The following NPAS3 variants were observed in gnomAD, a reference collection of about 807,000 sequenced individuals.
NPAS3 encodes neuronal PAS domain protein 3, also known as neuronal PAS domain-containing protein 3.
Under a neutral mutation model 73.1 loss-of-function variants are expected in NPAS3, and 14 were observed. The ratio of observed to expected loss-of-function variants is 0.19; its 90% CI spans 0.13 to 0.30. The LOEUF (loss-of-function observed/expected upper bound fraction) is 0.30, where lower values mean the gene tolerates loss of function less well. NPAS3 is among the 10% of genes least tolerant of loss of function. The pLI is 1.00. For synonymous variants in NPAS3, 620 were observed against 541.5 expected (o/e 1.14, Z -2.01); for missense variants, 1,096 against 1,250.0 (o/e 0.88, Z 1.86).
At chr14:33,451,002 G>C (rs1321520368) in intron 4 of NPAS3, among the ~76,000 whole-genome samples, 1 of 152,006 alleles carries the variant, frequency 6.6e-6, no homozygotes, top group African/African-American at 2.4e-5. Flanking sequence ...CCTAACAAAC[G>C]CTGAAAATGG....
intron 1 of NPAS3, among the ~76,000 whole-genome samples, chr14:32,979,879 G>T (rs2037829771): frequency 1.3e-5 from 2 of 152,130 alleles, no homozygotes. Context: ...CATTTTGTGG[G>T]TCTTGAAGTG....
chr14:33,298,623 A>G (rs956685606), intron 3 of NPAS3, among the ~76,000 whole-genome samples: 1 of 152,038 alleles, frequency 6.6e-6, no homozygotes, highest in South Asian at 2.1e-4. Flanking sequence ...ATCCTTTCCT[A>G]TATGTTTTCC....
At chr14:33,784,706 AT>A (rs1439795746) in intron 9 of NPAS3, among the ~76,000 whole-genome samples, 1 of 106,762 alleles carries the variant, frequency 9.4e-6, no homozygotes, top group Non-Finnish European at 2.1e-5. Flanking sequence ...AGCTGCTTTT[AT>A]TTTTTATTGT....
At chr14:33,222,176 CT>C (rs1480135049) in intron 3 of NPAS3, among the ~76,000 whole-genome samples, 1 of 152,104 alleles carries the variant, frequency 6.6e-6, no homozygotes, top group East Asian at 1.9e-4. Flanking sequence ...GGGCATGACA[CT>C]TGTCATGTAA....
intron 7 of NPAS3, among the ~76,000 whole-genome samples, chr14:33,771,794 G>A (rs2062662298): frequency 6.6e-6 from 1 of 151,814 alleles, no homozygotes; most frequent in African/African-American, 2.4e-5. Flanking sequence ...CTGGGCGACA[G>A]AGCGAGACTC....
intron 5 of NPAS3, among the ~76,000 whole-genome samples, chr14:33,562,436 G>T (rs1337749743): frequency 6.6e-6 from 1 of 152,188 alleles, no homozygotes; most frequent in Non-Finnish European, 1.5e-5. Context: ...GATGTGTTCA[G>T]TGTTGGCAGA....
At chr14:33,041,115 G>T (rs2040334539) in intron 1 of NPAS3, among the ~76,000 whole-genome samples, 1 of 152,096 alleles carries the variant, frequency 6.6e-6, no homozygotes. Context: ...GAACTTAAAG[G>T]CAGGAATTAG....
At chr14:33,578,645 G>A (rs879567941) in intron 5 of NPAS3, among the ~76,000 whole-genome samples, 3 of 152,148 alleles carry the variant, frequency 2.0e-5, no homozygotes, top group Non-Finnish European at 4.4e-5. Context: ...TTCCATAGAG[G>A]ATTTTGCTCA....
intron 3 of NPAS3, among the ~76,000 whole-genome samples, chr14:33,301,546 A>T (rs1193112147): frequency 1.3e-5 from 2 of 151,844 alleles, no homozygotes; most frequent in Non-Finnish European, 2.9e-5. Flanking sequence ...AGACCTCCCA[A>T]AGCTAAGCGT....
At chr14:33,750,471 T>C (rs565234936) in intron 7 of NPAS3, among the ~76,000 whole-genome samples, 15 of 152,350 alleles carry the variant, frequency 9.8e-5, no homozygotes, top group Admixed American at 2.0e-4. Context: ...ATAACTAATT[T>C]TACGTATTCT....
At position 33,563,517 on chromosome 14, in the gene NPAS3, T is replaced by TACACACACACACACACACACACACAC. The variant is rs146854404; in HGVS notation, c.558+3328_558+3329insCACACACACACACACACACACACACA. On this transcript the variant is annotated intron_variant, in intron 5 of 11. Transcript: ENST00000356141. ...CTTGACTTTGCCAGATACACATACA[T>TACACACACACACACACACACACACAC]ACACACACACACACACACACAGAGA... is the stretch of plus-strand genomic sequence containing the variant. 2.4e-3 allele frequency among the ~76,000 whole-genome samples: 258 copies of TACACACACACACACACACACACACAC among 106,870 alleles called. 8 individuals are homozygous for TACACACACACACACACACACACACAC. The highest frequency in any genetic ancestry group is 2.0e-3 in the Non-Finnish European group (109 of 53,184). The allele number at this position is 106,870 out of a possible 152,430, so 70.1% of individuals were successfully genotyped here.
rs192719446 is a variant in NPAS3, at chr14:33,697,873, T to A, written c.733+21488T>A. On this transcript the variant is annotated intron_variant, in intron 6 of 11. Transcript: ENST00000356141. ...TTCTTTAACCTAGCATAGGCAGGGT[T>A]ATTAGACATTCTGGTTTTTCTCCTC... Among the ~76,000 whole-genome samples the A allele has an allele frequency of 8.7e-4, 132 of 152,378 alleles. 1 individual carries two copies. Among genetic ancestry groups the A allele is most frequent in the African/African-American group, 3.0e-3 (125 of 41,600 alleles).
chr14:33,450,392 CA>C (rs1425962164), intron 4 of NPAS3, among the ~76,000 whole-genome samples: 1 of 152,114 alleles, frequency 6.6e-6, no homozygotes, highest in Non-Finnish European at 1.5e-5. Flanking sequence ...CAAAGAAAAG[CA>C]AAGTGACTCA....
At chr14:33,291,028 C>T (rs2042078425) in intron 3 of NPAS3, among the ~76,000 whole-genome samples, 1 of 151,900 alleles carries the variant, frequency 6.6e-6, no homozygotes, top group Non-Finnish European at 1.5e-5. Context: ...TCTAGCTGTA[C>T]CTCTCGGTGT....
intron 4 of NPAS3, among the ~76,000 whole-genome samples, chr14:33,479,933 A>C (rs1450696012): frequency 2.0e-5 from 3 of 152,096 alleles, no homozygotes; most frequent in African/African-American, 7.2e-5. Context: ...AAAGTATGGG[A>C]AAGACATTTC....
At chr14:33,533,123 T>C (rs965876789) in intron 4 of NPAS3, among the ~76,000 whole-genome samples, 4 of 152,128 alleles carry the variant, frequency 2.6e-5, no homozygotes, top group Middle Eastern at 3.2e-3. Context: ...GAGCTTCTTA[T>C]GAAAAGAAAT....
At chr14:33,564,539 G>T (rs1008733949) in intron 5 of NPAS3, among the ~76,000 whole-genome samples, 2 of 152,184 alleles carry the variant, frequency 1.3e-5, no homozygotes, top group Non-Finnish European at 2.9e-5. Context: ...TTCTGTTCCC[G>T]CATCCAGGCC....
chr14:33,289,336 T>G (rs565416692), intron 3 of NPAS3, among the ~76,000 whole-genome samples: 4 of 152,332 alleles, frequency 2.6e-5, no homozygotes, highest in Admixed American at 2.6e-4. Context: ...CATGCGTGTG[T>G]GTATGTGGTA....
intron 6 of NPAS3, among the ~76,000 whole-genome samples, chr14:33,697,320 G>A (rs2060410830): frequency 6.6e-6 from 1 of 152,188 alleles, no homozygotes; most frequent in Non-Finnish European, 1.5e-5. Flanking sequence ...CACACAGCCA[G>A]AGCTTACATA....
Sources: gnomAD v4.1 joint callset for allele counts (sites outside exome capture counted in the v4.1 genomes callset) on GRCh38, gnomAD v4.1.1 for gene constraint, MANE v1.5 for transcripts, NCBI Gene and HGNC (gene_info 2026-07-23, HGNC 2026-07-21) for gene names.